SCN1A: variants seen among roughly 807,000 people sequenced by gnomAD.
SCN1A encodes the protein sodium voltage-gated channel alpha subunit 1.
SCN1A carries 13 observed loss-of-function variants against 193.7 expected under a neutral mutation model. The observed-to-expected ratio is 0.07, with a 90% CI of 0.04 to 0.11. The LOEUF is 0.11. SCN1A is among the 10% of genes least tolerant of loss of function. The pLI is 1.00. For missense variants in SCN1A, 1,432 were observed against 2,451.1 expected, an observed-to-expected ratio of 0.58 and a Z score of 8.78; for synonymous variants, 781 against 843.6, an observed-to-expected ratio of 0.93 and a Z score of 1.29.
chr2:166,107,093 T>G (rs570526573), intron 2 of SCN1A, among the ~76,000 whole-genome samples: 1 of 152,310 alleles, frequency 6.6e-6, no homozygotes, highest in East Asian at 1.9e-4. Flanking sequence ...CCTTAACTAC[T>G]TGTATAGACC....
intron 4 of SCN1A, among the ~76,000 whole-genome samples, chr2:166,061,958 A>G (rs1683357137): frequency 6.6e-6 from 1 of 152,162 alleles, no homozygotes; most frequent in African/African-American, 2.4e-5. Flanking sequence ...TGTGTAGAAG[A>G]TTATTTGGTA....
intron 4 of SCN1A, among the ~76,000 whole-genome samples, chr2:166,066,077 G>A (rs1026698272): frequency 1.3e-5 from 2 of 152,148 alleles, no homozygotes; most frequent in Non-Finnish European, 2.9e-5. Context: ...TTAGCTGGGT[G>A]GAGGGTTGGG....
rs1390514599 is a variant in SCN1A at position 166,045,112 on chromosome 2, C to T, written c.1593G>A (p.Arg531=). 6.2e-7 allele frequency: 1 copy of T among 1,614,194 alleles called. No homozygotes were observed. The change falls in exon 13 of 29, where the codon AGG becomes AGA. Residue 531 remains arginine, a synonymous_variant. Coordinates refer to ENST00000674923, the MANE Select transcript of SCN1A (RefSeq NM_001165963.4). ...CTTCAATGGAGAAGCGAAAACCTTT[C>T]CTCCTGATGCTGTCCTCAGATTCAG... The part of the protein sequence containing the change: ...QKSESEDSIR[R]KGFRFSIEGN...
chr2:166,055,703 A>C (rs1699063807), intron 6 of SCN1A, among the ~76,000 whole-genome samples: 1 of 152,028 alleles, frequency 6.6e-6, no homozygotes, highest in African/African-American at 2.4e-5. Flanking sequence ...GGCATTACAA[A>C]TAGGAAGTGT....
At chr2:166,062,969 A>T (rs1469198938) in intron 4 of SCN1A, among the ~76,000 whole-genome samples, 1 of 152,094 alleles carries the variant, frequency 6.6e-6, no homozygotes, top group Non-Finnish European at 1.5e-5. Flanking sequence ...AAAGGTTTAT[A>T]CAGTAGTATC....
chr2:166,020,832 A>C (rs934483628), intron 19 of SCN1A, among the ~76,000 whole-genome samples: 9 of 152,296 alleles, frequency 5.9e-5, no homozygotes, highest in East Asian at 5.8e-4. Flanking sequence ...GAAAAAAAAA[A>C]CTAAACAGAA....
At chr2:166,118,388 G>A (rs1481039810) in intron 2 of SCN1A, among the ~76,000 whole-genome samples, 1 of 122,228 alleles carries the variant, frequency 8.2e-6, no homozygotes, top group East Asian at 2.8e-4. Context: ...TTCTTCTTGA[G>A]TATGCTCAAA....
intron 23 of SCN1A, among the ~76,000 whole-genome samples, chr2:166,008,841 ATAT>A (rs1184053333): frequency 6.6e-6 from 1 of 150,694 alleles, no homozygotes; most frequent in East Asian, 1.9e-4. Context: ...TGTTTTGATA[ATAT>A]TTTTTTTTAA....
At chr2:166,009,910 C>T in intron 22 of SCN1A, 69 bp from the exon 23 acceptor site, 2 of 1,429,530 alleles carry the variant, frequency 1.4e-6, no homozygotes, top group Non-Finnish European at 9.8e-7. Flanking sequence ...CTATATAATA[C>T]AACAAGTATA....
rs1325389700 is a variant in SCN1A, at chr2:165,988,847, G to T, written c.*2398C>A. 7 of 152,174 alleles carry T rather than the reference G, an allele frequency of 4.6e-5. No homozygotes were observed. Among genetic ancestry groups the T allele is most frequent in the Non-Finnish European group, 1.0e-4 (7 of 68,118 alleles). The allele number at this position is 152,174 out of a possible 1,614,324, so 9.4% of individuals were successfully genotyped here. On this transcript the variant is annotated 3_prime_UTR_variant, in exon 29 of 29. Coordinates refer to ENST00000674923, the MANE Select transcript of SCN1A (RefSeq NM_001165963.4). Reference sequence around the variant, plus strand: ...AGGGTTTCTTTTCATAGCTCAAGGGGTCATCCACCATCACTCTGGCTTCCA... The same window carrying T: ...AGGGTTTCTTTTCATAGCTCAAGGGTTCATCCACCATCACTCTGGCTTCCA...
intron 19 of SCN1A, among the ~76,000 whole-genome samples, chr2:166,021,086 C>T (rs1056090415): frequency 1.1e-4 from 17 of 152,182 alleles, no homozygotes; most frequent in Admixed American, 2.6e-4. Context: ...AGCTCTACTT[C>T]GCAAGTCAGC....
At chr2:166,053,214 A>G (rs1698788300) in intron 7 of SCN1A, 1 of 646,256 alleles carries the variant, frequency 1.5e-6, no homozygotes, top group Non-Finnish European at 2.8e-6. Flanking sequence ...CTTCTTGGTG[A>G]TTTTAAATGA....
At chr2:166,087,512 C>T (rs1686271054) in intron 2 of SCN1A, among the ~76,000 whole-genome samples, 1 of 152,120 alleles carries the variant, frequency 6.6e-6, no homozygotes, top group South Asian at 2.1e-4. Context: ...TCTCTTGTTT[C>T]CTCTCTGGCC....
chr2:166,062,719 T>C (rs1683437353), intron 4 of SCN1A, among the ~76,000 whole-genome samples: 1 of 152,136 alleles, frequency 6.6e-6, no homozygotes, highest in Non-Finnish European at 1.5e-5. Context: ...CCTTAAACTG[T>C]ATAAACAAAT....
At chr2:166,059,854 A>G (rs1215591857) in intron 4 of SCN1A, among the ~76,000 whole-genome samples, 1 of 151,298 alleles carries the variant, frequency 6.6e-6, no homozygotes, top group Non-Finnish European at 1.5e-5. Flanking sequence ...ACCCTCCCAC[A>G]CCCCTACCTG....
intron 2 of SCN1A, among the ~76,000 whole-genome samples, chr2:166,089,127 T>C (rs1455904833): frequency 6.6e-6 from 1 of 152,122 alleles, no homozygotes; most frequent in Non-Finnish European, 1.5e-5. Flanking sequence ...CATCAACCTG[T>C]CATCTACATT....
intron 28 of SCN1A, chr2:165,993,754 T>TGGTGAC: frequency 4.4e-6 from 1 of 229,280 alleles, no homozygotes; most frequent in South Asian, 1.2e-4. Flanking sequence ...ATCTATATGC[T>TGGTGAC]GGTGACTCCA....
intron 2 of SCN1A, among the ~76,000 whole-genome samples, chr2:166,108,540 A>C (rs1348628648): frequency 2.0e-5 from 3 of 152,276 alleles, no homozygotes; most frequent in South Asian, 4.1e-4. Flanking sequence ...ACAATAGCCC[A>C]AAAGTGGAAA....
In SCN1A at chr2:166,015,888, C is replaced by A. The variant is rs181984058; in HGVS notation, c.3430-161G>T. 9.5e-6 allele frequency: 7 copies of A among 733,516 alleles called. No individual in the cohort carries two copies. The East Asian group carries it at 1.4e-4, about 15-fold the overall frequency. The allele number at this position is 733,516 out of a possible 1,614,324, so 45.4% of individuals were successfully genotyped here. A position where few individuals can be genotyped will look rare whatever the true frequency, so the allele number is the denominator to read the frequency against. On this transcript the variant is annotated intron_variant, in intron 19 of 28. Transcript: ENST00000674923. ...GAATAAGGGGAAGAAATAAGAAAATCATTGTCTGTGCTAACCCTTTTACCA... is the reference window on the plus strand; with the variant it reads ...GAATAAGGGGAAGAAATAAGAAAATAATTGTCTGTGCTAACCCTTTTACCA...
Sources: gnomAD v4.1 joint callset for allele counts (sites outside exome capture counted in the v4.1 genomes callset) on GRCh38, gnomAD v4.1.1 for gene constraint, MANE v1.5 for transcripts, NCBI Gene and HGNC (gene_info 2026-07-23, HGNC 2026-07-21) for gene names.